Variants in PCDH11X observed in about 807,000 individuals in gnomAD.
PCDH11X encodes protocadherin-11 X-linked.
In PCDH11X, 18 loss-of-function variants were observed where a neutral mutation model predicts 53.3. That is an observed-to-expected ratio of 0.34 (90% CI 0.23 to 0.50). The LOEUF (loss-of-function observed/expected upper bound fraction) is 0.50, where lower values mean the gene tolerates loss of function less well. PCDH11X is among the 20% of genes least tolerant of loss of function. The pLI, the probability that PCDH11X is intolerant of heterozygous loss-of-function variation, is 0.98. For synonymous variants in PCDH11X, 279 were observed against 393.3 expected (o/e 0.71, Z 3.44); for missense variants, 570 against 1,032.4 (o/e 0.55, Z 6.14).
chrX:92,063,954 C>G (rs1444350725), intron 6 of PCDH11X, among the ~76,000 whole-genome samples: 1 of 107,153 alleles, frequency 9.3e-6, no homozygotes, highest in African/African-American at 3.4e-5. Flanking sequence ...TGTCTGCAGC[C>G]ACAACACTCT....
chrX:92,383,340 ATTATAC>A (rs1175969652), intron 8 of PCDH11X, among the ~76,000 whole-genome samples: 3 of 97,346 alleles, frequency 3.1e-5, no homozygotes, highest in Non-Finnish European at 6.3e-5. Context: ...TTTTTTTTTA[ATTATAC>A]TTAAGTTTTG....
intron 10 of PCDH11X, among the ~76,000 whole-genome samples, chrX:92,551,861 T>G (rs976824280): frequency 2.9e-4 from 31 of 108,145 alleles, no homozygotes; most frequent in African/African-American, 1.0e-3. Flanking sequence ...TCATTATAAG[T>G]GTGTGGATTT....
chrX:92,381,634 C>A (rs1293391800), intron 8 of PCDH11X, among the ~76,000 whole-genome samples: 6 of 111,871 alleles, frequency 5.4e-5, no homozygotes, highest in African/African-American at 1.9e-4. Context: ...TTTCCTCTTT[C>A]GTTGTATGCT....
At chrX:91,822,436 T>C (rs1484026677) in intron 4 of PCDH11X, among the ~76,000 whole-genome samples, 9 of 111,014 alleles carry the variant, frequency 8.1e-5, no homozygotes, top group Admixed American at 5.8e-4. Context: ...TATCCATTTC[T>C]TCTAGATTTT....
At chrX:91,963,757 T>C (rs946736615) in intron 6 of PCDH11X, among the ~76,000 whole-genome samples, 1 of 110,996 alleles carries the variant, frequency 9.0e-6, no homozygotes, top group Non-Finnish European at 1.9e-5. Flanking sequence ...AAAGGAAAAA[T>C]ATTTAATCAA....
At chrX:92,279,274 A>G (rs1300971748) in intron 8 of PCDH11X, among the ~76,000 whole-genome samples, 1 of 112,581 alleles carries the variant, frequency 8.9e-6, no homozygotes, top group African/African-American at 3.2e-5. Flanking sequence ...TTGTCCAAAT[A>G]TACTTTAAGC....
chrX:92,234,669 A>G (rs1325528171), intron 7 of PCDH11X, among the ~76,000 whole-genome samples: 2 of 103,627 alleles, frequency 1.9e-5, no homozygotes, highest in African/African-American at 8.2e-5. Flanking sequence ...ATGAAAGAAC[A>G]AATAATATAA....
intron 10 of PCDH11X, among the ~76,000 whole-genome samples, chrX:92,543,050 C>A (rs1224442959): frequency 2.8e-5 from 3 of 108,553 alleles, no homozygotes; most frequent in Non-Finnish European, 5.7e-5. Flanking sequence ...GATTATAACA[C>A]CACTCACTTC....
intron 7 of PCDH11X, among the ~76,000 whole-genome samples, chrX:92,215,921 C>A (rs1245942537): frequency 9.5e-6 from 1 of 105,651 alleles, no homozygotes; most frequent in Non-Finnish European, 2.0e-5. Context: ...CTGCAGCCAC[C>A]GCTGCTGATA....
At chrX:92,552,994 C>CATGT (rs753893286) in intron 10 of PCDH11X, among the ~76,000 whole-genome samples, 32 of 88,908 alleles carry the variant, frequency 3.6e-4, no homozygotes, top group Middle Eastern at 6.2e-3. Flanking sequence ...CTGCAATTTT[C>CATGT]GTGTGTGTGT....
intron 9 of PCDH11X, among the ~76,000 whole-genome samples, chrX:92,427,412 C>T (rs2072146497): frequency 1.4e-5 from 1 of 71,862 alleles, no homozygotes; most frequent in Non-Finnish European, 2.5e-5. Context: ...TTTCACTTTT[C>T]TGTGGGCTAT....
chrX:92,239,551 T>A (rs1164074487), intron 7 of PCDH11X, among the ~76,000 whole-genome samples: 4 of 111,779 alleles, frequency 3.6e-5, no homozygotes, highest in African/African-American at 9.7e-5. Flanking sequence ...AGAAGACTTT[T>A]AAAAAGATCT....
Position 92,566,880 on chromosome X carries a change from C to T in PCDH11X, c.3368-51384C>T, listed in dbSNP as rs760858442. On this transcript the variant is annotated intron_variant, in intron 10 of 10. Coordinates refer to ENST00000682573, the MANE Select transcript of PCDH11X (RefSeq NM_032968.5). The stretch of plus-strand genomic sequence containing the variant: ...TTGTAAATTTTAATATTTTGTTAAA[C>T]GACTAGAATTACTCTAAAATGTCCT... Among the ~76,000 whole-genome samples the T allele has an allele frequency of 4.9e-4, 54 of 109,824 alleles. No individual in the cohort carries two copies. The South Asian group carries it at 5.1e-3, about 10-fold the overall frequency.
rs773880148 is a variant in PCDH11X at position 92,242,032 on chromosome X, A to G, written c.3115-21082A>G. On this transcript the variant is annotated intron_variant, in intron 7 of 10. Transcript: ENST00000682573. ...GAATCGTTTGAACCCGGGAGGCAGA[A>G]GCTGCAGTGAGCTGAGATCATGCCA... Among the ~76,000 whole-genome samples, 6 of 109,133 alleles carry G rather than the reference A, an allele frequency of 5.5e-5. No homozygotes were observed. In the East Asian group the frequency reaches 1.5e-3, roughly 27 times the overall value. The allele number at this position is 109,133 out of a possible 115,157, so 94.8% of individuals were successfully genotyped here. A position where few individuals can be genotyped will look rare whatever the true frequency, so the allele number is the denominator to read the frequency against.
intron 7 of PCDH11X, among the ~76,000 whole-genome samples, chrX:92,257,808 A>C (rs986201229): frequency 8.9e-6 from 1 of 112,227 alleles, no homozygotes; most frequent in Admixed American, 9.4e-5. Context: ...GGCTGTTCTC[A>C]TGGACTGGTA....
chrX:92,444,725 C>A (rs2072595476), intron 9 of PCDH11X, among the ~76,000 whole-genome samples: 1 of 91,286 alleles, frequency 1.1e-5, no homozygotes, highest in African/African-American at 4.4e-5. Context: ...GATGCCTAGT[C>A]TGTTGGATTT....
intron 10 of PCDH11X, among the ~76,000 whole-genome samples, chrX:92,594,298 T>A (rs1466060516): frequency 1.8e-5 from 2 of 111,497 alleles, no homozygotes; most frequent in African/African-American, 6.5e-5. Context: ...TTTGATCTAA[T>A]CAGCCTTTAG....
chrX:92,555,586 G>A (rs2075033342), intron 10 of PCDH11X, among the ~76,000 whole-genome samples: 1 of 111,824 alleles, frequency 8.9e-6, no homozygotes, highest in Non-Finnish European at 1.9e-5. Flanking sequence ...TCTGAGGTCT[G>A]AGATCTTAAA....
chrX:92,287,619 T>G (rs1323095390), intron 8 of PCDH11X, among the ~76,000 whole-genome samples: 2 of 112,278 alleles, frequency 1.8e-5, no homozygotes, highest in Non-Finnish European at 3.8e-5. Context: ...GGACATTACC[T>G]GGAACCTAGA....
Sources: gnomAD v4.1 joint callset for allele counts (sites outside exome capture counted in the v4.1 genomes callset) on GRCh38, gnomAD v4.1.1 for gene constraint, MANE v1.5 for transcripts, NCBI Gene and HGNC (gene_info 2026-07-23, HGNC 2026-07-21) for gene names.